TAFA5: variants seen among roughly 807,000 people sequenced by gnomAD.
The protein encoded by TAFA5 is TAFA chemokine like family member 5.
TAFA5 carries 6 observed loss-of-function variants against 15.3 expected under a neutral mutation model. That is an observed-to-expected ratio of 0.39 (90% CI 0.21 to 0.77). The LOEUF (loss-of-function observed/expected upper bound fraction) is 0.77. Among genes scored for constraint, TAFA5 ranks in the 30% least tolerant of loss-of-function variants. The pLI is 0.41. For synonymous variants in TAFA5, 103 were observed against 80.7 expected, an observed-to-expected ratio of 1.28 and a Z score of -1.48; for missense variants, 161 against 193.1, an observed-to-expected ratio of 0.83 and a Z score of 0.98.
At chr22:48,652,844 C>T (rs1033327421) in intron 2 of TAFA5, among the ~76,000 whole-genome samples, 2 of 151,572 alleles carry the variant, frequency 1.3e-5, no homozygotes, top group South Asian at 4.2e-4. Context: ...ATGTCGGCTT[C>T]CTTCTGGGGG....
In TAFA5 at chr22:48,660,734, C is replaced by T. The variant is rs571926209; in HGVS notation, c.262+13988C>T. Among the ~76,000 whole-genome samples the T allele has an allele frequency of 1.4e-3, 215 of 152,322 alleles. 1 individual carries two copies. Among genetic ancestry groups the T allele is most frequent in the Non-Finnish European group, 1.8e-3 (123 of 68,036 alleles). ...GCTCTGCACCTTACCAGCTGTGCAACGACACAGCGCGTGGCCCTCTCCCAG... is the reference window on the plus strand; with the variant it reads ...GCTCTGCACCTTACCAGCTGTGCAATGACACAGCGCGTGGCCCTCTCCCAG... On this transcript the variant is annotated intron_variant, in intron 2 of 3. Coordinates refer to ENST00000402357, the MANE Select transcript of TAFA5 (RefSeq NM_001082967.3).
At chr22:48,583,303 A>T (rs1601594557) in intron 1 of TAFA5, among the ~76,000 whole-genome samples, 2 of 149,352 alleles carry the variant, frequency 1.3e-5, no homozygotes, top group Admixed American at 1.3e-4. Context: ...CACACACCAC[A>T]CACACACCAC....
chr22:48,617,161 T>A (rs1474459813), intron 1 of TAFA5, among the ~76,000 whole-genome samples: 1 of 152,166 alleles, frequency 6.6e-6, no homozygotes, highest in African/African-American at 2.4e-5. Flanking sequence ...CAGATGTGAT[T>A]AAGGATCTTG....
chr22:48,690,226 C>A lies in TAFA5; in HGVS notation c.263-17491C>A, dbSNP rs1928495763. Among the ~76,000 whole-genome samples, 4 of 152,302 alleles carry A rather than the reference C, an allele frequency of 2.6e-5. 1 individual carries two copies. The South Asian group carries it at 8.3e-4, about 32-fold the overall frequency. Reference sequence around the variant, plus strand: ...TTCCTGGATGTGACCCTTCTCCCACCCCATCTCCTTGTGTTCACACAATGA... The same window carrying A: ...TTCCTGGATGTGACCCTTCTCCCACACCATCTCCTTGTGTTCACACAATGA... On this transcript the variant is annotated intron_variant, in intron 2 of 3. Transcript: ENST00000402357.
chr22:48,633,520 GTC>G (rs1348013978), intron 1 of TAFA5, among the ~76,000 whole-genome samples: 1 of 44,224 alleles, frequency 2.3e-5, no homozygotes, highest in Non-Finnish European at 4.6e-5. Context: ...CTGTCTGTCT[GTC>G]TGTCTGTCTG....
At chr22:48,559,810 G>A (rs1447691373) in intron 1 of TAFA5, among the ~76,000 whole-genome samples, 17 of 152,278 alleles carry the variant, frequency 1.1e-4, no homozygotes, top group Admixed American at 9.8e-4. Flanking sequence ...GGAGCGCGGC[G>A]GGGATGGAGG....
intron 3 of TAFA5, among the ~76,000 whole-genome samples, chr22:48,735,945 TAGAGTCC>T (rs1267071397): frequency 1.3e-3 from 71 of 53,208 alleles, no homozygotes; most frequent in African/African-American, 5.1e-3. Context: ...ATCGCACTCC[TAGAGTCC>T]AGAGTCCATC....
chr22:48,652,222 A>G lies in TAFA5; in HGVS notation c.262+5476A>G, dbSNP rs566675038. Among the ~76,000 whole-genome samples the G allele has an allele frequency of 2.6e-5, 4 of 152,304 alleles. No homozygotes were observed. The East Asian group carries it at 7.7e-4, about 29-fold the overall frequency. On this transcript the variant is annotated intron_variant, in intron 2 of 3. Coordinates refer to ENST00000402357, the MANE Select transcript of TAFA5 (RefSeq NM_001082967.3). Reference sequence around the variant, plus strand: ...AGGAGCGACGTGAATCACCTGCTCTATTGTACGCAAGAGACTGGGAGTGCG... The same window carrying G: ...AGGAGCGACGTGAATCACCTGCTCTGTTGTACGCAAGAGACTGGGAGTGCG...
At chr22:48,633,302 A>G (rs1031970107) in intron 1 of TAFA5, among the ~76,000 whole-genome samples, 1 of 152,170 alleles carries the variant, frequency 6.6e-6, no homozygotes, top group African/African-American at 2.4e-5. Context: ...GTGGCCTGGG[A>G]GACTGGGCAG....
intron 1 of TAFA5, among the ~76,000 whole-genome samples, chr22:48,536,350 C>G (rs567115638): frequency 1.3e-5 from 2 of 152,362 alleles, no homozygotes; most frequent in East Asian, 3.9e-4. Context: ...AGTGGATGTC[C>G]TTTGTCCGCC....
chr22:48,525,427 C>G (rs547391788), intron 1 of TAFA5, among the ~76,000 whole-genome samples: 1 of 152,278 alleles, frequency 6.6e-6, no homozygotes, highest in Non-Finnish European at 1.5e-5. Context: ...GACTCCGATT[C>G]CAGTGCTCAT....
intron 2 of TAFA5, among the ~76,000 whole-genome samples, chr22:48,654,820 AG>A (rs1207833074): frequency 6.6e-6 from 1 of 152,052 alleles, no homozygotes; most frequent in Non-Finnish European, 1.5e-5. Flanking sequence ...CCCAGGCAGA[AG>A]GCCCCTGATG....
chr22:48,729,163 G>A (rs1002622630), intron 3 of TAFA5, among the ~76,000 whole-genome samples: 1 of 150,950 alleles, frequency 6.6e-6, no homozygotes, highest in African/African-American at 2.4e-5. Context: ...AAAATATTAA[G>A]TGTTCAGGTT....
intron 2 of TAFA5, among the ~76,000 whole-genome samples, chr22:48,691,023 C>T (rs1321819672): frequency 2.0e-5 from 3 of 152,120 alleles, no homozygotes; most frequent in South Asian, 2.1e-4. Flanking sequence ...CCCTCCTGAG[C>T]GCCGTCAATC....
At chr22:48,500,585 G>C (rs1920946562) in intron 1 of TAFA5, among the ~76,000 whole-genome samples, 2 of 152,244 alleles carry the variant, frequency 1.3e-5, no homozygotes, top group South Asian at 2.1e-4. Flanking sequence ...CAGGCGGGCT[G>C]TGCTGTCCGC....
At chr22:48,728,368 TCTGAAGTCCATCTG>T (rs2147265395) in intron 3 of TAFA5, among the ~76,000 whole-genome samples, 1 of 152,346 alleles carries the variant, frequency 6.6e-6, no homozygotes, top group South Asian at 2.1e-4. Flanking sequence ...ACATGCAATG[TCTGAAGTCCATCTG>T]CTGGTGTCCA....
At chr22:48,539,572 G>C in intron 1 of TAFA5, 1 of 442,096 alleles carries the variant, frequency 2.3e-6, no homozygotes, top group South Asian at 1.7e-5. Context: ...AAGAAGCTAG[G>C]AGCCCCTCAG....
At chr22:48,580,748 A>T (rs2147145823) in intron 1 of TAFA5, among the ~76,000 whole-genome samples, 1 of 152,266 alleles carries the variant, frequency 6.6e-6, no homozygotes, top group East Asian at 1.9e-4. Flanking sequence ...CAGTCTTGGC[A>T]TGGGGCTGCC....
At chr22:48,581,671 A>G (rs1238821524) in intron 1 of TAFA5, among the ~76,000 whole-genome samples, 3 of 152,154 alleles carry the variant, frequency 2.0e-5, no homozygotes, top group Non-Finnish European at 2.9e-5. Context: ...CACTGCTGAC[A>G]TGTTCATGTG....
Sources: allele counts gnomAD v4.1 joint callset (sites outside exome capture counted in the v4.1 genomes callset), GRCh38; gene constraint gnomAD v4.1.1; transcripts MANE v1.5; gene names NCBI Gene and HGNC (gene_info 2026-07-23, HGNC 2026-07-21).